Variants in PTK2 observed in about 807,000 individuals in gnomAD.
The protein encoded by PTK2 is protein tyrosine kinase 2.
Under a neutral mutation model 150.1 loss-of-function variants are expected in PTK2, and 45 were observed. That is an observed-to-expected ratio of 0.30 (90% CI 0.24 to 0.38). The LOEUF (loss-of-function observed/expected upper bound fraction) is 0.38. PTK2 is among the 10% of genes least tolerant of loss of function. The pLI, the probability that PTK2 is intolerant of heterozygous loss-of-function variation, is 1.00. For missense variants in PTK2, 919 were observed against 1,307.3 expected, an observed-to-expected ratio of 0.70 and a Z score of 4.58; for synonymous variants, 432 against 449.2, an observed-to-expected ratio of 0.96 and a Z score of 0.48.
At chr8:140,925,536 ATAT>A in intron 2 of PTK2, 122 bp downstream of exon 2, 1 of 604,518 alleles carries the variant, frequency 1.7e-6, no homozygotes, top group Non-Finnish European at 2.1e-6. Context: ...AATCAAAGAA[ATAT>A]TAGTCATAAT....
At chr8:140,844,603 T>G (rs1220213524) in intron 7 of PTK2, among the ~76,000 whole-genome samples, 1 of 152,168 alleles carries the variant, frequency 6.6e-6, no homozygotes, top group Non-Finnish European at 1.5e-5. Flanking sequence ...CCCCATCGTT[T>G]TGCTTTTTGA....
chr8:140,880,289 A>C (rs543994283), intron 3 of PTK2, among the ~76,000 whole-genome samples: 1 of 152,328 alleles, frequency 6.6e-6, no homozygotes, highest in East Asian at 1.9e-4. Flanking sequence ...AGTTCAGAGA[A>C]GGTCACCTTT....
rs146774366 is a variant in PTK2, at chr8:140,892,163, G to T, written c.-32-1394C>A. On this transcript the variant is annotated intron_variant, in intron 2 of 31. Coordinates refer to ENST00000522684, the Ensembl canonical transcript of PTK2. ...GTTGAGGCTATAGTGAGCTGTGACT[G>T]CATTGCTGCACTTCAGCCTGGACCA... 4.3e-3 allele frequency among the ~76,000 whole-genome samples: 656 copies of T among 152,284 alleles called. 4 individuals carry two copies. Among genetic ancestry groups the T allele is most frequent in the African/African-American group, 0.015 (625 of 41,546 alleles).
chr8:140,965,819 G>A (rs1395727019), intron 1 of PTK2, among the ~76,000 whole-genome samples: 1 of 152,230 alleles, frequency 6.6e-6, no homozygotes, highest in African/African-American at 2.4e-5. Context: ...AGGGGTTGCA[G>A]TGAGCCAAGA....
intron 22 of PTK2, chr8:140,718,241 A>G (rs1047752826): frequency 6.5e-6 from 1 of 153,676 alleles, no homozygotes; most frequent in Non-Finnish European, 1.5e-5. Flanking sequence ...AAAACACAAC[A>G]GTATTTACAA....
intron 14 of PTK2, among the ~76,000 whole-genome samples, chr8:140,777,200 G>A (rs2100078950): frequency 6.6e-6 from 1 of 152,214 alleles, no homozygotes; most frequent in South Asian, 2.1e-4. Flanking sequence ...ATAAAGAAAA[G>A]ACGTTTTAAT....
chr8:140,836,481 G>A (rs1416836767), intron 7 of PTK2, among the ~76,000 whole-genome samples: 1 of 152,196 alleles, frequency 6.6e-6, no homozygotes, highest in Non-Finnish European at 1.5e-5. Flanking sequence ...CAATGACTGA[G>A]AAACACTGAT....
intron 1 of PTK2, among the ~76,000 whole-genome samples, chr8:140,941,627 C>A (rs539268744): frequency 2.0e-5 from 3 of 152,074 alleles, no homozygotes; most frequent in African/African-American, 7.2e-5. Flanking sequence ...GGCTTTTTAA[C>A]CAAGAGTTTA....
chr8:140,822,854 T>C (rs1020071272), intron 8 of PTK2, among the ~76,000 whole-genome samples: 53 of 152,212 alleles, frequency 3.5e-4, no homozygotes, highest in African/African-American at 1.2e-3. Flanking sequence ...TCTGGCAAAC[T>C]CTCAAACAGA....
intron 28 of PTK2, among the ~76,000 whole-genome samples, chr8:140,674,697 C>T (rs2100012542): frequency 6.7e-6 from 1 of 149,634 alleles, no homozygotes; most frequent in Middle Eastern, 3.7e-3. Flanking sequence ...TGAGATCGTG[C>T]CATTGCACTC....
At chr8:140,827,613 A>G (rs1280368646) in intron 8 of PTK2, among the ~76,000 whole-genome samples, 1 of 152,146 alleles carries the variant, frequency 6.6e-6, no homozygotes, top group East Asian at 1.9e-4. Flanking sequence ...TTTCAATTCT[A>G]CTATCTTCTA....
intron 10 of PTK2, among the ~76,000 whole-genome samples, chr8:140,805,360 A>G (rs2100097597): frequency 1.3e-5 from 2 of 151,968 alleles, no homozygotes; most frequent in South Asian, 4.2e-4. Flanking sequence ...GGAGATTGAG[A>G]CCACCCTGGC....
chr8:140,747,072 A>G (rs1042032168), intron 17 of PTK2: 4 of 439,884 alleles, frequency 9.1e-6, no homozygotes, highest in Non-Finnish European at 1.6e-5. Context: ...TTGTATTTTT[A>G]GTAGAGATGG....
intron 10 of PTK2, among the ~76,000 whole-genome samples, chr8:140,817,833 T>C (rs1160889047): frequency 6.6e-6 from 1 of 152,014 alleles, no homozygotes; most frequent in Non-Finnish European, 1.5e-5. Context: ...TTCCATCTGA[T>C]GGACATTTTT....
At chr8:140,697,103 T>C (rs1000545110) in intron 26 of PTK2, among the ~76,000 whole-genome samples, 3 of 131,596 alleles carry the variant, frequency 2.3e-5, no homozygotes, top group Non-Finnish European at 4.7e-5. Context: ...CACTGCACTT[T>C]ACCCTGGGTG....
intron 22 of PTK2, among the ~76,000 whole-genome samples, chr8:140,733,613 C>T (rs1403624001): frequency 6.6e-6 from 1 of 152,076 alleles, no homozygotes; most frequent in Non-Finnish European, 1.5e-5. Context: ...AGCAAAACAA[C>T]ATGCAATAAA....
chr8:140,915,733 T>TAA (rs544451987), intron 2 of PTK2, among the ~76,000 whole-genome samples: 2,681 of 147,548 alleles, frequency 0.018, 36 homozygotes, highest in Non-Finnish European at 0.023. Flanking sequence ...CCGTCTCTAC[T>TAA]AAAAAAAAAA....
At chr8:140,827,997 T>C (rs1470707245) in intron 8 of PTK2, among the ~76,000 whole-genome samples, 1 of 151,812 alleles carries the variant, frequency 6.6e-6, no homozygotes, top group Non-Finnish European at 1.5e-5. Flanking sequence ...TGAAACCCCA[T>C]CTCTACTAAA....
intron 22 of PTK2, chr8:140,717,994 G>A (rs1289706469): frequency 6.2e-6 from 2 of 322,078 alleles, no homozygotes; most frequent in Non-Finnish European, 1.2e-5. Flanking sequence ...GGGCCAAGAT[G>A]AAATGTTTGC....
Sources: gnomAD v4.1 joint callset for allele counts (sites outside exome capture counted in the v4.1 genomes callset) on GRCh38, gnomAD v4.1.1 for gene constraint, MANE v1.5 for transcripts, NCBI Gene and HGNC (gene_info 2026-07-23, HGNC 2026-07-21) for gene names.